USP32: variants seen among roughly 807,000 people sequenced by gnomAD.
The protein encoded by USP32 is ubiquitin specific peptidase 32.
In USP32, 59 loss-of-function variants were observed where a neutral mutation model predicts 204.8. The ratio of observed to expected loss-of-function variants is 0.29; its 90% CI spans 0.23 to 0.36. The LOEUF is 0.36. USP32 is among the 10% of genes least tolerant of loss of function. The probability of loss-of-function intolerance (pLI) is 1.00; values close to 1 mark genes in which losing one functional copy is unlikely to be tolerated. For synonymous variants in USP32, 517 were observed against 678.4 expected, an observed-to-expected ratio of 0.76 and a Z score of 3.70; for missense variants, 1,160 against 1,946.4, an observed-to-expected ratio of 0.60 and a Z score of 7.60.
At chr17:60,351,796 A>C (rs1160786997) in intron 1 of USP32, among the ~76,000 whole-genome samples, 1 of 152,206 alleles carries the variant, frequency 6.6e-6, no homozygotes, top group African/African-American at 2.4e-5. Flanking sequence ...ATATTCTAAT[A>C]CTTCAAAATT....
chr17:60,200,064 G>A (rs1223123003), intron 26 of USP32, among the ~76,000 whole-genome samples: 1 of 152,052 alleles, frequency 6.6e-6, no homozygotes, highest in Non-Finnish European at 1.5e-5. Context: ...CATGGTGGCA[G>A]GCACCTGTAG....
At chr17:60,180,890 A>ATTATTC (rs1175706194) in intron 32 of USP32, among the ~76,000 whole-genome samples, 1 of 150,110 alleles carries the variant, frequency 6.7e-6, no homozygotes, top group Non-Finnish European at 1.5e-5. Flanking sequence ...TATTATTATT[A>ATTATTC]TTATTATTTT....
At chr17:60,376,363 CAAT>C (rs2089540638) in intron 1 of USP32, among the ~76,000 whole-genome samples, 1 of 151,630 alleles carries the variant, frequency 6.6e-6, no homozygotes, top group Admixed American at 6.6e-5. Context: ...CACTAAGCTA[CAAT>C]AATAGCTTAA....
At chr17:60,385,946 G>C (rs151208872) in intron 1 of USP32, among the ~76,000 whole-genome samples, 1 of 151,958 alleles carries the variant, frequency 6.6e-6, no homozygotes, top group East Asian at 1.9e-4. Flanking sequence ...CTTGAATTCT[G>C]GTCATCTTTG....
chr17:60,373,537 G>C (rs928269717), intron 1 of USP32, among the ~76,000 whole-genome samples: 3 of 140,254 alleles, frequency 2.1e-5, no homozygotes, highest in Non-Finnish European at 4.4e-5. Flanking sequence ...TGCACCTCCT[G>C]GGTTCAAGCA....
At chr17:60,193,137 C>T (rs1567755195) in intron 27 of USP32, among the ~76,000 whole-genome samples, 1 of 152,208 alleles carries the variant, frequency 6.6e-6, no homozygotes, top group Non-Finnish European at 1.5e-5. Flanking sequence ...TCTGGGCTTA[C>T]AGAAGGGTAG....
intron 12 of USP32, among the ~76,000 whole-genome samples, chr17:60,228,232 C>T (rs2085447782): frequency 6.6e-6 from 1 of 151,950 alleles, no homozygotes; most frequent in Non-Finnish European, 1.5e-5. Flanking sequence ...ACCATGCTGG[C>T]CTCAAACTCC....
At position 60,179,037 on chromosome 17, in the gene USP32, T is replaced by A. The variant is rs1348755601; in HGVS notation, c.*218A>T. 6 of 525,266 alleles carry A rather than the reference T, an allele frequency of 1.1e-5. No homozygotes were observed. Among genetic ancestry groups the A allele is most frequent in the African/African-American group, 1.9e-5 (1 of 52,112 alleles). 32.5% of individuals were successfully genotyped at this position (525,266 alleles called of 1,614,324 possible). On this transcript the variant is annotated 3_prime_UTR_variant, in exon 34 of 34. Transcript: ENST00000300896. Reference sequence around the variant, plus strand: ...TTACAGGCTAATGGTGGGATCTGCCTGAAAGTTCTCTATCGGAGAGCTTGT... The same window carrying A: ...TTACAGGCTAATGGTGGGATCTGCCAGAAAGTTCTCTATCGGAGAGCTTGT...
chr17:60,237,152 ATCT>A (rs1567792280), intron 11 of USP32, among the ~76,000 whole-genome samples: 2 of 151,180 alleles, frequency 1.3e-5, no homozygotes, highest in Non-Finnish European at 2.9e-5. Context: ...CTATCTATCT[ATCT>A]ATCTATCTAC....
intron 6 of USP32, among the ~76,000 whole-genome samples, chr17:60,270,302 T>A (rs1352044429): frequency 6.6e-6 from 1 of 152,220 alleles, no homozygotes; most frequent in Non-Finnish European, 1.5e-5. Flanking sequence ...CCCTGACAAG[T>A]ACTTCCGAAG....
intron 5 of USP32, among the ~76,000 whole-genome samples, chr17:60,273,205 T>C (rs2086763689): frequency 6.6e-6 from 1 of 152,162 alleles, no homozygotes; most frequent in Non-Finnish European, 1.5e-5. Context: ...ACTCCTGGCC[T>C]CAAGTGATCT....
chr17:60,392,028 G>C lies in USP32; in HGVS notation c.-89C>G. 1 of 1,465,746 alleles carries C rather than the reference G, an allele frequency of 6.8e-7. No individual in the cohort carries two copies. The highest frequency in any genetic ancestry group is 9.2e-7 in the Non-Finnish European group (1 of 1,082,192). 90.8% of individuals were successfully genotyped at this position (1,465,746 alleles called of 1,614,324 possible). A position where few individuals can be genotyped will look rare whatever the true frequency, so the allele number is the denominator to read the frequency against. ...CTCCTCGGCGTCCCTGGGTGACGGT[G>C]ACGGTGTCGGCGTCCCCCGCCCCCA... On this transcript the variant is annotated 5_prime_UTR_variant, in exon 1 of 34. Transcript: ENST00000300896.
At chr17:60,375,070 C>A (rs1371763051) in intron 1 of USP32, among the ~76,000 whole-genome samples, 1 of 152,170 alleles carries the variant, frequency 6.6e-6, no homozygotes, top group African/African-American at 2.4e-5. Context: ...ATCTTCCAAT[C>A]TCTTAGTAAT....
chr17:60,312,883 A>C (rs2087887860), intron 2 of USP32, among the ~76,000 whole-genome samples: 1 of 152,220 alleles, frequency 6.6e-6, no homozygotes, highest in South Asian at 2.1e-4. Context: ...TGGTATATGA[A>C]TACATTAAGT....
At position 60,375,814 on chromosome 17, in the gene USP32, G is replaced by T. The variant is rs555378116; in HGVS notation, c.58+16068C>A. On this transcript the variant is annotated intron_variant, in intron 1 of 33. Transcript: ENST00000300896. Reference sequence around the variant, plus strand: ...GTAGAGACGAGGTTTCACCATGTTGGCCAGGGTGGTCTCAAACTCTTGACC... The same window carrying T: ...GTAGAGACGAGGTTTCACCATGTTGTCCAGGGTGGTCTCAAACTCTTGACC... Among the ~76,000 whole-genome samples the T allele has an allele frequency of 1.1e-4, 16 of 152,198 alleles. No homozygotes were observed. The South Asian group carries it at 3.1e-3, about 30-fold the overall frequency.
At chr17:60,214,564 TA>T in intron 17 of USP32, 55 bp downstream of exon 17, 1 of 1,551,156 alleles carries the variant, frequency 6.4e-7, no homozygotes. Context: ...TTTTACTATT[TA>T]AAATTAAACA....
chr17:60,245,628 AG>A, intron 11 of USP32: 1 of 293,328 alleles, frequency 3.4e-6, no homozygotes, highest in Admixed American at 3.9e-5. Context: ...GGACTTCACA[AG>A]GGGTCTGAGG....
At chr17:60,377,343 T>C (rs2089565828) in intron 1 of USP32, among the ~76,000 whole-genome samples, 1 of 152,198 alleles carries the variant, frequency 6.6e-6, no homozygotes, top group Admixed American at 6.5e-5. Context: ...ATATAGCATT[T>C]CATTTTTAAA....
chr17:60,333,141 C>T (rs948017385), intron 2 of USP32, among the ~76,000 whole-genome samples: 20 of 152,164 alleles, frequency 1.3e-4, no homozygotes, highest in Admixed American at 5.2e-4. Flanking sequence ...CACAACTCCC[C>T]GCAAGGTTGA....
Sources: allele counts gnomAD v4.1 joint callset (sites outside exome capture counted in the v4.1 genomes callset), GRCh38; gene constraint gnomAD v4.1.1; transcripts MANE v1.5; gene names NCBI Gene and HGNC (gene_info 2026-07-23, HGNC 2026-07-21).